The following SOX6 variants were observed in gnomAD, a reference collection of about 807,000 sequenced individuals.
The protein encoded by SOX6 is SRY-box transcription factor 6.
Under a neutral mutation model 97.8 loss-of-function variants are expected in SOX6, and 11 were observed. The ratio of observed to expected loss-of-function variants is 0.11; its 90% confidence interval spans 0.07 to 0.19. SOX6 has a LOEUF of 0.19. Among genes scored for constraint, SOX6 ranks in the 10% least tolerant of loss-of-function variants. The pLI is 1.00. For missense variants in SOX6, 810 were observed against 1,039.5 expected (o/e 0.78, Z 3.04); for synonymous variants, 360 against 371.4 (o/e 0.97, Z 0.35).
intron 2 of SOX6, among the ~76,000 whole-genome samples, chr11:16,725,071 T>C (rs2134056195): frequency 6.6e-6 from 1 of 152,332 alleles, no homozygotes; most frequent in Non-Finnish European, 1.5e-5. Context: ...CAAATGTTCA[T>C]TGCAGCATTA....
chr11:16,382,106 A>C (rs1857840220), intron 1 of SOX6, among the ~76,000 whole-genome samples: 1 of 152,032 alleles, frequency 6.6e-6, no homozygotes, highest in Non-Finnish European at 1.5e-5. Flanking sequence ...TTTGCTTATC[A>C]AAATGTTATT....
chr11:16,590,738 TA>T (rs201913777), intron 4 of SOX6, among the ~76,000 whole-genome samples: 26 of 149,758 alleles, frequency 1.7e-4, no homozygotes, highest in Admixed American at 4.7e-4. Flanking sequence ...TGTGAGAGCT[TA>T]AAAAAAAAAT....
chr11:16,475,008 AC>A (rs1860207587), intron 1 of SOX6, among the ~76,000 whole-genome samples: 1 of 152,072 alleles, frequency 6.6e-6, no homozygotes, highest in South Asian at 2.1e-4. Context: ...TGTTAAGGAG[AC>A]TGCTATTTTC....
chr11:16,481,501 T>C (rs1469234895), intron 4 of SOX6, among the ~76,000 whole-genome samples: 1 of 152,166 alleles, frequency 6.6e-6, no homozygotes, highest in Non-Finnish European at 1.5e-5. Context: ...ATTTCTCCTA[T>C]TCTTAAAGAT....
In SOX6 at chr11:16,111,909, C is replaced by G. The variant is rs1252057385; in HGVS notation, c.792G>C (p.Met264Ile). The G allele has an allele frequency of 1.4e-5, 23 of 1,612,154 alleles. No homozygotes were observed. Among genetic ancestry groups the G allele is most frequent in the Non-Finnish European group, 1.8e-5 (21 of 1,179,896 alleles). The change falls in exon 7 of 16, where the codon ATG (methionine) becomes ATC (isoleucine). Residue 264 changes from methionine to isoleucine, a missense_variant. Physicochemically the swap from Met to Ile is conservative, Grantham distance 10. This residue lies in a region of SOX6 where 244 missense variants were observed against 261.0 expected (regional missense o/e 0.93). Coordinates refer to ENST00000683767, the MANE Select transcript of SOX6 (RefSeq NM_001367873.1). ...LQQQIQVQGH[M>I]PPLMIPIFPH... ...GAAAAATTGGGATCATGAGCGGAGG[C>G]ATGTGACCCTGAACCTGCTAAACAG...
chr11:16,374,902 G>A (rs934879527), intron 1 of SOX6, among the ~76,000 whole-genome samples: 2 of 151,834 alleles, frequency 1.3e-5, no homozygotes, highest in South Asian at 2.1e-4. Flanking sequence ...TTCTCTCCAC[G>A]ATCATTTTTG....
chr11:16,591,054 A>G (rs1848144470), intron 4 of SOX6, among the ~76,000 whole-genome samples: 1 of 152,132 alleles, frequency 6.6e-6, no homozygotes, highest in South Asian at 2.1e-4. Context: ...CTCATGTACC[A>G]TATAAATATA....
chr11:16,109,183 T>TTTTTA (rs201990190), intron 7 of SOX6, among the ~76,000 whole-genome samples: 4,694 of 152,024 alleles, frequency 0.031, 90 homozygotes, highest in Non-Finnish European at 0.053. Context: ...TTTCTTTTCT[T>TTTTTA]TTTTATTTTA....
intron 4 of SOX6, among the ~76,000 whole-genome samples, chr11:16,560,985 G>C (rs1565180892): frequency 6.6e-6 from 1 of 152,104 alleles, no homozygotes. Context: ...TGGGAGTCGG[G>C]TGAGGAATAA....
intron 1 of SOX6, among the ~76,000 whole-genome samples, chr11:16,467,743 T>G (rs1350768483): frequency 2.0e-5 from 3 of 152,044 alleles, no homozygotes. Flanking sequence ...ATGACACAAG[T>G]TTACCTATGT....
intron 3 of SOX6, among the ~76,000 whole-genome samples, chr11:16,639,366 T>C (rs774894401): frequency 4.6e-5 from 7 of 152,238 alleles, no homozygotes; most frequent in Non-Finnish European, 1.0e-4. Context: ...CTAGCTTTGT[T>C]CTTTTGGCTT....
At chr11:16,655,872 G>A (rs1261608325) in intron 3 of SOX6, among the ~76,000 whole-genome samples, 1 of 151,912 alleles carries the variant, frequency 6.6e-6, no homozygotes, top group African/African-American at 2.4e-5. Context: ...GAGAGACTGA[G>A]GCAGGAGGAT....
At chr11:16,737,182 T>C (rs1021978834) in intron 1 of SOX6, among the ~76,000 whole-genome samples, 3 of 152,196 alleles carry the variant, frequency 2.0e-5, no homozygotes, top group Non-Finnish European at 2.9e-5. Flanking sequence ...ACAGCAGATA[T>C]GTATTATCCA....
intron 6 of SOX6, among the ~76,000 whole-genome samples, chr11:16,124,661 C>T (rs1316598475): frequency 2.0e-5 from 3 of 151,860 alleles, no homozygotes; most frequent in Admixed American, 6.6e-5. Context: ...AGGGGAAAGG[C>T]TAGAAAGACA....
chr11:16,501,682 A>G (rs564693169), intron 4 of SOX6, among the ~76,000 whole-genome samples: 1 of 152,322 alleles, frequency 6.6e-6, no homozygotes, highest in Non-Finnish European at 1.5e-5. Context: ...AAAAGAAGAC[A>G]TTTATGCAGC....
chr11:16,672,965 CAAG>C (rs144674388), intron 3 of SOX6, among the ~76,000 whole-genome samples: 2,042 of 152,226 alleles, frequency 0.013, 50 homozygotes, highest in African/African-American at 0.047. Context: ...TTCAATTCAA[CAAG>C]AAGATCTAAC....
At chr11:16,049,087 G>A (rs1483812818) in intron 11 of SOX6, among the ~76,000 whole-genome samples, 1 of 151,986 alleles carries the variant, frequency 6.6e-6, no homozygotes, top group Non-Finnish European at 1.5e-5. Context: ...GTAATACTAG[G>A]AAACTGAACT....
intron 3 of SOX6, among the ~76,000 whole-genome samples, chr11:16,671,503 T>C (rs2134024570): frequency 6.6e-6 from 1 of 152,090 alleles, no homozygotes; most frequent in South Asian, 2.1e-4. Flanking sequence ...CACAATACGA[T>C]TATAAGTATT....
intron 3 of SOX6, among the ~76,000 whole-genome samples, chr11:16,622,531 A>C (rs1383408178): frequency 1.3e-5 from 2 of 152,150 alleles, no homozygotes; most frequent in African/African-American, 4.8e-5. Flanking sequence ...TTGGTTTTCC[A>C]TTCCTGAGTT....
Sources: allele counts gnomAD v4.1 joint callset (sites outside exome capture counted in the v4.1 genomes callset), GRCh38; gene constraint gnomAD v4.1.1; regional missense constraint gnomAD v4.1.1; transcripts MANE v1.5; gene names NCBI Gene and HGNC (gene_info 2026-07-23, HGNC 2026-07-21).